POLD3: variants seen among roughly 807,000 people sequenced by gnomAD.
POLD3 encodes DNA polymerase delta subunit 3.
POLD3 carries 19 observed loss-of-function variants against 58.2 expected under a neutral mutation model. The observed-to-expected ratio is 0.33, with a 90% CI of 0.23 to 0.48. The LOEUF (loss-of-function observed/expected upper bound fraction) is 0.48, where lower values mean the gene tolerates loss of function less well. Among genes scored for constraint, POLD3 ranks in the 20% least tolerant of loss-of-function variants. POLD3 has a pLI of 0.99. For synonymous variants in POLD3, 172 were observed against 193.5 expected, an observed-to-expected ratio of 0.89 and a Z score of 0.92; for missense variants, 504 against 545.5, an observed-to-expected ratio of 0.92 and a Z score of 0.76.
At chr11:74,614,217 G>A (rs1273436820) in intron 5 of POLD3, among the ~76,000 whole-genome samples, 5 of 152,220 alleles carry the variant, frequency 3.3e-5, no homozygotes, top group Admixed American at 6.5e-5. Flanking sequence ...AGCAGATGGA[G>A]TGAAATTATC....
chr11:74,594,039 G>A, intron 1 of POLD3, 22 bp from the exon 2 acceptor site: 1 of 1,499,014 alleles, frequency 6.7e-7, no homozygotes, highest in East Asian at 2.3e-5. Context: ...TAAAACATTT[G>A]AAAAATTTTT....
Position 74,629,387 on chromosome 11 carries a change from A to G in POLD3, c.1006+64A>G, listed in dbSNP as rs2032524560. 6 of 848,180 alleles carry G rather than the reference A, an allele frequency of 7.1e-6. No homozygotes were observed. The Admixed American group carries it at 1.3e-4, about 18-fold the overall frequency. 52.5% of individuals were successfully genotyped at this position (848,180 alleles called of 1,614,324 possible). On this transcript the variant is annotated intron_variant, in intron 9 of 11. Transcript: ENST00000263681. ...TTTACTTTCAATGTTCAAGGAGCTA[A>G]AAAAGTAATGGATTAAGGATCACAA...
chr11:74,609,729 C>T (rs1487393999), intron 3 of POLD3, among the ~76,000 whole-genome samples: 1 of 150,926 alleles, frequency 6.6e-6, no homozygotes, highest in Non-Finnish European at 1.5e-5. Flanking sequence ...TTTTGCCTCT[C>T]TTTGTTAGAT....
chr11:74,647,394 C>T (rs1328336335), downstream of POLD3, among the ~76,000 whole-genome samples: 1 of 135,548 alleles, frequency 7.4e-6, no homozygotes, highest in East Asian at 2.1e-4. Flanking sequence ...CTTACTTCAT[C>T]CTCATGATAA....
chr11:74,667,458 G>A (rs4944057), intron 4 of POLD3, among the ~76,000 whole-genome samples: 130,121 of 152,120 alleles, frequency 0.86, 56,196 homozygotes, highest in African/African-American at 0.97. Flanking sequence ...TGAACCCGGG[G>A]GGCGGAGCTT....
chr11:74,639,265 A>G (rs1181603753), intron 11 of POLD3, among the ~76,000 whole-genome samples: 1 of 152,200 alleles, frequency 6.6e-6, no homozygotes, highest in African/African-American at 2.4e-5. Flanking sequence ...GTTCTGATGC[A>G]CAGTAAAGTT....
chr11:74,667,764 C>G (rs1302845299), intron 4 of POLD3, among the ~76,000 whole-genome samples: 1 of 152,064 alleles, frequency 6.6e-6, no homozygotes, highest in East Asian at 1.9e-4. Flanking sequence ...AGGACACTCT[C>G]AAAAAACGAA....
At chr11:74,623,126 G>C (rs2032316977) in intron 7 of POLD3, among the ~76,000 whole-genome samples, 1 of 152,274 alleles carries the variant, frequency 6.6e-6, no homozygotes, top group Middle Eastern at 3.4e-3. Context: ...TCCAGAATAG[G>C]CAGGTCTATA....
intron 2 of POLD3, 160 bp from the exon 3 acceptor site, chr11:74,604,532 T>C: frequency 3.5e-6 from 1 of 282,694 alleles, no homozygotes; most frequent in Non-Finnish European, 6.4e-6. Context: ...AAGTCCATCC[T>C]TTTTTTTTTT....
intron 9 of POLD3, among the ~76,000 whole-genome samples, chr11:74,634,008 A>G (rs1042143967): frequency 6.6e-6 from 1 of 152,114 alleles, no homozygotes; most frequent in Non-Finnish European, 1.5e-5. Context: ...ACAGTGAAAG[A>G]CTCTGGCATG....
chr11:74,623,620 TTA>T (rs1406807856), intron 7 of POLD3, among the ~76,000 whole-genome samples: 9 of 152,144 alleles, frequency 5.9e-5, no homozygotes, highest in Admixed American at 2.6e-4. Context: ...TGTATGTGAA[TTA>T]TATCTCAATT....
intron 2 of POLD3, among the ~76,000 whole-genome samples, chr11:74,600,589 C>T (rs1032164728): frequency 9.2e-5 from 14 of 151,870 alleles, no homozygotes; most frequent in Admixed American, 5.9e-4. Flanking sequence ...GAGCTGAGAT[C>T]GCGCCACTGC....
chr11:74,625,685 G>A (rs1452667902), intron 8 of POLD3, 112 bp downstream of exon 8: 2 of 807,136 alleles, frequency 2.5e-6, no homozygotes, highest in Non-Finnish European at 3.9e-6. Context: ...CCTACTTAAT[G>A]CCTAAGGGAT....
intron 11 of POLD3, among the ~76,000 whole-genome samples, chr11:74,636,796 G>A (rs773025198): frequency 1.3e-5 from 2 of 152,166 alleles, no homozygotes; most frequent in Non-Finnish European, 2.9e-5. Context: ...ATGACTCATC[G>A]AGATTGCTTC....
At chr11:74,613,439 TA>T (rs1296002357) in intron 5 of POLD3, among the ~76,000 whole-genome samples, 1 of 145,682 alleles carries the variant, frequency 6.9e-6, no homozygotes, top group African/African-American at 2.6e-5. Context: ...GGTTTTTTTT[TA>T]AATCTTTTGT....
chr11:74,624,369 A>G (rs115122761), intron 7 of POLD3, among the ~76,000 whole-genome samples: 162 of 152,338 alleles, frequency 1.1e-3, no homozygotes, highest in African/African-American at 3.8e-3. Flanking sequence ...GGAAAAAGAA[A>G]AGTATAAATA....
chr11:74,630,939 T>G (rs2135169256), intron 9 of POLD3, among the ~76,000 whole-genome samples: 1 of 152,320 alleles, frequency 6.6e-6, no homozygotes, highest in South Asian at 2.1e-4. Context: ...GTGGGGTTAT[T>G]TAGTTTTGAA....
intron 10 of POLD3, among the ~76,000 whole-genome samples, chr11:74,634,908 C>T (rs770144720): frequency 6.6e-6 from 1 of 152,210 alleles, no homozygotes; most frequent in Non-Finnish European, 1.5e-5. Flanking sequence ...GTCTCAGGAA[C>T]GTTGCAGAGG....
At chr11:74,664,837 C>T (rs996394881) in intron 4 of POLD3, among the ~76,000 whole-genome samples, 2 of 152,168 alleles carry the variant, frequency 1.3e-5, no homozygotes, top group South Asian at 2.1e-4. Flanking sequence ...TGGTGGCTCA[C>T]GCCTGTAATC....
Sources: allele counts gnomAD v4.1 joint callset (sites outside exome capture counted in the v4.1 genomes callset), GRCh38; gene constraint gnomAD v4.1.1; transcripts MANE v1.5; gene names NCBI Gene and HGNC (gene_info 2026-07-23, HGNC 2026-07-21).